ADGB: variants seen among roughly 807,000 people sequenced by gnomAD.
The protein encoded by ADGB is androglobin, also known as calpain-7-like protein.
Under a neutral mutation model 210.5 loss-of-function variants are expected in ADGB, and 172 were observed. That is an observed-to-expected ratio of 0.82 (90% CI 0.72 to 0.93). The LOEUF (loss-of-function observed/expected upper bound fraction) is 0.93. Among genes scored for constraint, ADGB ranks in the 40% least tolerant of loss-of-function variants. The pLI, the probability that ADGB is intolerant of heterozygous loss-of-function variation, is 0.00. For synonymous variants in ADGB, 658 were observed against 662.7 expected, an observed-to-expected ratio of 0.99 and a Z score of 0.11; for missense variants, 2,025 against 1,964.8, an observed-to-expected ratio of 1.03 and a Z score of -0.58.
chr6:146,791,569 A>G (rs894520017), intron 33 of ADGB, among the ~76,000 whole-genome samples: 2 of 152,108 alleles, frequency 1.3e-5, no homozygotes, highest in South Asian at 4.1e-4. Flanking sequence ...TCTCAAATTT[A>G]TGGGCTCAAG....
chr6:146,737,201 TAAA>T (rs1433035071), intron 23 of ADGB, among the ~76,000 whole-genome samples: 1 of 149,858 alleles, frequency 6.7e-6, no homozygotes. Context: ...AAATAAATAA[TAAA>T]AAAGAGAAAA....
chr6:146,718,281 A>G (rs1292880623), intron 16 of ADGB, among the ~76,000 whole-genome samples: 4 of 137,520 alleles, frequency 2.9e-5, no homozygotes, highest in Non-Finnish European at 6.1e-5. Flanking sequence ...TGGGAGGCAG[A>G]GGTTGCAGTG....
chr6:146,791,367 T>C (rs983641918), intron 33 of ADGB, among the ~76,000 whole-genome samples: 4 of 152,136 alleles, frequency 2.6e-5, no homozygotes, highest in African/African-American at 9.7e-5. Context: ...TCATTTTTGG[T>C]TTTTGTTTTA....
intron 26 of ADGB, among the ~76,000 whole-genome samples, chr6:146,747,029 C>T (rs1357792009): frequency 6.6e-6 from 1 of 152,046 alleles, no homozygotes; most frequent in African/African-American, 2.4e-5. Flanking sequence ...TCCTATAGTC[C>T]TTTGTTCTCT....
rs183050736 is a variant in ADGB at position 146,710,620 on chromosome 6, A to G, written c.1708-4762A>G. ...TCATCACATACAGATGAACAAATCT[A>G]TTAGTGTTAATTAGAAAGCAGAGAT... On this transcript the variant is annotated intron_variant, in intron 13 of 35. Transcript: ENST00000397944. Among the ~76,000 whole-genome samples, 92 of 152,216 alleles carry G rather than the reference A, an allele frequency of 6.0e-4. 1 individual carries two copies. The highest frequency in any genetic ancestry group is 7.8e-4 in the Admixed American group (12 of 15,296).
At chr6:146,671,597 G>C (rs1248013636) in intron 7 of ADGB, among the ~76,000 whole-genome samples, 1 of 152,132 alleles carries the variant, frequency 6.6e-6, no homozygotes, top group Non-Finnish European at 1.5e-5. Context: ...TAATGATTTA[G>C]AGGTGACACA....
At chr6:146,691,447 TATATATATATAAAA>T (rs1776317484) in intron 11 of ADGB, among the ~76,000 whole-genome samples, 157 bp downstream of exon 11, 2 of 21,102 alleles carry the variant, frequency 9.5e-5, no homozygotes, top group African/African-American at 6.1e-4. Context: ...TATATAAAAA[TATATATATATAAAA>T]ATATATATAT....
At chr6:146,664,412 A>G (rs752132812) in intron 6 of ADGB, 72 bp downstream of exon 6, 3 of 1,380,830 alleles carry the variant, frequency 2.2e-6, no homozygotes, top group South Asian at 1.6e-5. Flanking sequence ...TTTGTATTGC[A>G]TAATTTATTT....
chr6:146,666,913 C>A lies in ADGB; in HGVS notation c.839+11C>A. ...AGTCATTTCTCTTCAGTATGTTTGACTATTAAATTGCTCATATCTATTTTT... is the reference window on the plus strand; with the variant it reads ...AGTCATTTCTCTTCAGTATGTTTGAATATTAAATTGCTCATATCTATTTTT... On this transcript the variant is annotated intron_variant, in intron 7 of 35. Coordinates refer to ENST00000397944, the MANE Select transcript of ADGB (RefSeq NM_024694.4). 1 of 1,518,190 alleles carries A rather than the reference C, an allele frequency of 6.6e-7. No homozygotes were observed. The highest frequency in any genetic ancestry group is 8.9e-7 in the Non-Finnish European group (1 of 1,119,334). The allele number at this position is 1,518,190 out of a possible 1,614,324, so 94.0% of individuals were successfully genotyped here.
chr6:146,684,713 T>C (rs1441484932), intron 9 of ADGB, among the ~76,000 whole-genome samples: 2 of 152,090 alleles, frequency 1.3e-5, no homozygotes, highest in Admixed American at 6.6e-5. Flanking sequence ...ACCAAGCCTC[T>C]GCAGAGTTAG....
chr6:146,625,191 A>G (rs1780954691), intron 1 of ADGB, among the ~76,000 whole-genome samples: 1 of 152,010 alleles, frequency 6.6e-6, no homozygotes, highest in Admixed American at 6.6e-5. Context: ...TGTGTTTATA[A>G]ATATGCCTGT....
chr6:146,612,047 G>A (rs550142854), intron 1 of ADGB, among the ~76,000 whole-genome samples: 1 of 152,104 alleles, frequency 6.6e-6, no homozygotes. Flanking sequence ...TGCTCTCCTG[G>A]GTCGTTGTCT....
At position 146,598,993 on chromosome 6, in the gene ADGB, C is replaced by T. The variant is rs544010246; in HGVS notation, c.-48C>T. The T allele has an allele frequency of 1.5e-3, 2,330 of 1,510,658 alleles. 17 individuals are homozygous for T. The highest frequency in any genetic ancestry group is 1.2e-3 in the Admixed American group (62 of 50,762). 93.6% of individuals were successfully genotyped at this position (1,510,658 alleles called of 1,614,324 possible). On this transcript the variant is annotated 5_prime_UTR_variant, in exon 1 of 36. Coordinates refer to ENST00000397944, the MANE Select transcript of ADGB (RefSeq NM_024694.4). ...ACGCAGACGCGGAGCCGAGCGCGCC[C>T]GCAGGCTCTTTGCTCAGAGCTCAGC...
chr6:146,768,736 A>G (rs1314707179), intron 28 of ADGB, among the ~76,000 whole-genome samples: 15 of 152,190 alleles, frequency 9.9e-5, no homozygotes, highest in Admixed American at 9.8e-4. Flanking sequence ...TAGTAATCTT[A>G]AAAATGCAAA....
chr6:146,694,465 C>T (rs1776377868), intron 12 of ADGB, among the ~76,000 whole-genome samples: 1 of 152,132 alleles, frequency 6.6e-6, no homozygotes. Context: ...CCAAAGGCCT[C>T]ACCTCTTAAT....
chr6:146,724,078 G>A (rs961002632), intron 17 of ADGB, 108 bp from the exon 18 acceptor site: 22 of 909,812 alleles, frequency 2.4e-5, no homozygotes, highest in East Asian at 1.8e-4. Context: ...TATTTCTAAT[G>A]CTTGATTATT....
intron 4 of ADGB, among the ~76,000 whole-genome samples, chr6:146,654,627 C>T (rs1422758694): frequency 6.6e-6 from 1 of 152,062 alleles, no homozygotes; most frequent in African/African-American, 2.4e-5. Flanking sequence ...GCTGGGATTA[C>T]AAGCATCAGC....
intron 25 of ADGB, among the ~76,000 whole-genome samples, chr6:146,743,299 A>C (rs1777184446): frequency 6.6e-6 from 1 of 152,208 alleles, no homozygotes; most frequent in African/African-American, 2.4e-5. Context: ...CTAGTCTTGA[A>C]TACTTCATTT....
chr6:146,639,315 T>C (rs1371924682), intron 2 of ADGB: 1 of 152,030 alleles, frequency 6.6e-6, no homozygotes, highest in Non-Finnish European at 1.5e-5. Flanking sequence ...GTGAGTATTC[T>C]TGGGTGCAAA....
Sources: allele counts gnomAD v4.1 joint callset (sites outside exome capture counted in the v4.1 genomes callset), GRCh38; gene constraint gnomAD v4.1.1; transcripts MANE v1.5; gene names NCBI Gene and HGNC (gene_info 2026-07-23, HGNC 2026-07-21).